NKAIN2: variants seen among roughly 807,000 people sequenced by gnomAD.
NKAIN2 encodes sodium/potassium transporting ATPase interacting 2.
Under a neutral mutation model 32.6 loss-of-function variants are expected in NKAIN2, and 14 were observed. That is an observed-to-expected ratio of 0.43 (90% CI 0.28 to 0.67). The LOEUF is 0.67. NKAIN2 is among the 30% of genes least tolerant of loss of function. NKAIN2 has a pLI of 0.17. For missense variants in NKAIN2, 198 were observed against 258.3 expected (o/e 0.77, Z 1.60); for synonymous variants, 80 against 87.2 (o/e 0.92, Z 0.46).
At chr6:124,318,002 T>C (rs943347117) in intron 2 of NKAIN2, among the ~76,000 whole-genome samples, 1 of 152,018 alleles carries the variant, frequency 6.6e-6, no homozygotes, top group Non-Finnish European at 1.5e-5. Context: ...GCTGACAGTT[T>C]TAATTAAAAG....
chr6:124,099,761 A>G (rs142053027), intron 1 of NKAIN2, among the ~76,000 whole-genome samples: 2 of 152,306 alleles, frequency 1.3e-5, no homozygotes, highest in East Asian at 3.9e-4. Flanking sequence ...TAGAGCCCAG[A>G]CATGCTGCTA....
chr6:124,096,233 A>T (rs759974424), intron 1 of NKAIN2, among the ~76,000 whole-genome samples: 2 of 152,202 alleles, frequency 1.3e-5, no homozygotes, highest in African/African-American at 4.8e-5. Context: ...ATGATCCAAC[A>T]TTATCAACTC....
At chr6:124,661,725 A>C (rs954370186) in intron 4 of NKAIN2, among the ~76,000 whole-genome samples, 1 of 152,202 alleles carries the variant, frequency 6.6e-6, no homozygotes, top group African/African-American at 2.4e-5. Context: ...TCTGGTTAGC[A>C]TCAGATAGCA....
intron 1 of NKAIN2, among the ~76,000 whole-genome samples, chr6:124,170,640 T>G (rs1788797177): frequency 6.6e-6 from 1 of 152,210 alleles, no homozygotes; most frequent in Non-Finnish European, 1.5e-5. Flanking sequence ...ACAAAATCCT[T>G]TGATATTTTC....
intron 1 of NKAIN2, among the ~76,000 whole-genome samples, chr6:124,036,205 A>T (rs962464704): frequency 6.6e-5 from 10 of 152,110 alleles, no homozygotes; most frequent in Non-Finnish European, 1.0e-4. Flanking sequence ...CAGGTAAAAA[A>T]TCTTAGAGTA....
At chr6:124,072,810 A>G (rs1188609501) in intron 1 of NKAIN2, among the ~76,000 whole-genome samples, 1 of 152,160 alleles carries the variant, frequency 6.6e-6, no homozygotes, top group African/African-American at 2.4e-5. Context: ...CCCTGTTGTT[A>G]ACTCACAATA....
chr6:124,020,506 A>G (rs1374676589), intron 1 of NKAIN2, among the ~76,000 whole-genome samples: 1 of 152,110 alleles, frequency 6.6e-6, no homozygotes, highest in Non-Finnish European at 1.5e-5. Flanking sequence ...TTTTCTGCCC[A>G]ACTTCTACAC....
chr6:124,545,758 T>G (rs565497031), intron 3 of NKAIN2, among the ~76,000 whole-genome samples: 9 of 152,194 alleles, frequency 5.9e-5, no homozygotes, highest in African/African-American at 2.2e-4. Context: ...GTTGTTTATG[T>G]GCAGTGTACT....
At chr6:123,911,778 C>T (rs868758159) in intron 1 of NKAIN2, among the ~76,000 whole-genome samples, 1 of 75,980 alleles carries the variant, frequency 1.3e-5, no homozygotes, top group Admixed American at 1.8e-4. Flanking sequence ...TATATACATA[C>T]ATACATATAT....
rs375421775 is a variant in NKAIN2, at chr6:123,973,589, G to A, written c.54+169335G>A. Among the ~76,000 whole-genome samples, 261 of 152,130 alleles carry A rather than the reference G, an allele frequency of 1.7e-3. 1 individual carries two copies. Among genetic ancestry groups the A allele is most frequent in the Non-Finnish European group, 3.2e-3 (218 of 67,972 alleles). Reference sequence around the variant, plus strand: ...AAAAGCAGAATGTATCACCATACCAGGACTCGTAGTTTCCTGCTATTCAAA... The same window carrying A: ...AAAAGCAGAATGTATCACCATACCAAGACTCGTAGTTTCCTGCTATTCAAA... On this transcript the variant is annotated intron_variant, in intron 1 of 6. Coordinates refer to ENST00000368417, the MANE Select transcript of NKAIN2 (RefSeq NM_001040214.3).
At chr6:124,191,281 T>C (rs1184651112) in intron 1 of NKAIN2, among the ~76,000 whole-genome samples, 1 of 152,224 alleles carries the variant, frequency 6.6e-6, no homozygotes, top group Non-Finnish European at 1.5e-5. Context: ...TTTTAAACAT[T>C]TCTATCAGTA....
chr6:124,522,041 C>CCGGTA (rs1487560040), intron 3 of NKAIN2, among the ~76,000 whole-genome samples: 1 of 152,106 alleles, frequency 6.6e-6, no homozygotes, highest in African/African-American at 2.4e-5. Context: ...ATTTGAACTG[C>CCGGTA]TTCTTGGCCT....
chr6:124,003,716 T>G (rs1359197058), intron 1 of NKAIN2, among the ~76,000 whole-genome samples: 1 of 152,156 alleles, frequency 6.6e-6, no homozygotes, highest in Non-Finnish European at 1.5e-5. Flanking sequence ...AACCACTGCC[T>G]GTTGACATCA....
chr6:124,710,807 A>G (rs1313736735), intron 4 of NKAIN2, among the ~76,000 whole-genome samples: 4 of 148,458 alleles, frequency 2.7e-5, no homozygotes, highest in African/African-American at 9.9e-5. Context: ...GTGTCTTTTA[A>G]TTGGAGCATT....
At chr6:123,943,076 C>T (rs73555213) in intron 1 of NKAIN2, among the ~76,000 whole-genome samples, 6,904 of 151,996 alleles carry the variant, frequency 0.045, 504 homozygotes, top group African/African-American at 0.15. Context: ...AATTCAAATG[C>T]ATTTACGTTG....
chr6:123,838,862 T>G (rs1774741537), intron 1 of NKAIN2, among the ~76,000 whole-genome samples: 1 of 152,234 alleles, frequency 6.6e-6, no homozygotes, highest in Admixed American at 6.5e-5. Context: ...ATTTACCTCC[T>G]AAGGTTAGAT....
chr6:124,421,982 G>A (rs1379340432), intron 3 of NKAIN2, among the ~76,000 whole-genome samples: 1 of 152,018 alleles, frequency 6.6e-6, no homozygotes, highest in Non-Finnish European at 1.5e-5. Context: ...GACATATTCT[G>A]GTCCCCTTCA....
At chr6:123,900,845 T>G (rs1582743899) in intron 1 of NKAIN2, among the ~76,000 whole-genome samples, 1 of 152,176 alleles carries the variant, frequency 6.6e-6, no homozygotes, top group Non-Finnish European at 1.5e-5. Context: ...TACCTCAGAC[T>G]TGTTAGGATC....
At chr6:124,123,921 G>A (rs1436978343) in intron 1 of NKAIN2, among the ~76,000 whole-genome samples, 3 of 152,088 alleles carry the variant, frequency 2.0e-5, no homozygotes, top group Admixed American at 1.3e-4. Context: ...CTCGACTTTG[G>A]TTAATTGGAT....
Sources: allele counts gnomAD v4.1 joint callset (sites outside exome capture counted in the v4.1 genomes callset), GRCh38; gene constraint gnomAD v4.1.1; transcripts MANE v1.5; gene names NCBI Gene and HGNC (gene_info 2026-07-23, HGNC 2026-07-21).